RAP1GAP2: variants seen among roughly 807,000 people sequenced by gnomAD.
RAP1GAP2 encodes the protein rap1 GTPase-activating protein 2.
Under a neutral mutation model 95.0 loss-of-function variants are expected in RAP1GAP2, and 27 were observed. The ratio of observed to expected loss-of-function variants is 0.28; its 90% CI spans 0.21 to 0.39. The LOEUF is 0.39. Ranked by LOEUF, RAP1GAP2 falls within the 10% of genes least tolerant of loss-of-function variation. The pLI is 1.00. For missense variants in RAP1GAP2, 771 were observed against 970.0 expected, an observed-to-expected ratio of 0.79 and a Z score of 2.72; for synonymous variants, 373 against 380.9, an observed-to-expected ratio of 0.98 and a Z score of 0.24.
chr17:3,003,580 G>A lies in RAP1GAP2; in HGVS notation c.1201-1789G>A, dbSNP rs1208952631. Among the ~76,000 whole-genome samples, 2 of 152,150 alleles carry A rather than the reference G, an allele frequency of 1.3e-5. No homozygotes were observed. The highest frequency in any genetic ancestry group is 2.1e-4 in the South Asian group (1 of 4,830). ...CTTTGTCACGTTTGAAGCTTTCTGA[G>A]GTTCCCAGTGCATCCTCATGACCCA... On this transcript the variant is annotated intron_variant, in intron 14 of 24. Transcript: ENST00000254695. The surrounding 1 kb of genome is among the most constrained non-coding windows in gnomAD (Gnocchi z 4.1).
At chr17:2,967,195 C>T (rs58741155) in intron 8 of RAP1GAP2, among the ~76,000 whole-genome samples, 3,257 of 152,004 alleles carry the variant, frequency 0.021, 99 homozygotes, top group African/African-American at 0.072. Flanking sequence ...GGTGAAACCC[C>T]GTCTCTACTA....
intron 17 of RAP1GAP2, among the ~76,000 whole-genome samples, chr17:3,010,764 A>G (rs1222973565): frequency 6.6e-6 from 1 of 152,138 alleles, no homozygotes; most frequent in Non-Finnish European, 1.5e-5. Context: ...ATTCTTTTCA[A>G]TACTAAAACC....
intron 2 of RAP1GAP2, among the ~76,000 whole-genome samples, chr17:2,863,425 G>A (rs2072490417): frequency 1.3e-5 from 2 of 152,278 alleles, no homozygotes; most frequent in South Asian, 4.1e-4. Context: ...GCTGGGAGCT[G>A]GGGACGCCTC....
In RAP1GAP2 at chr17:2,905,554, G is replaced by T. The variant is rs1054672705; in HGVS notation, c.165+186G>T. Among the ~76,000 whole-genome samples the T allele has an allele frequency of 2.6e-5, 4 of 152,342 alleles. No individual in the cohort carries two copies. The East Asian group carries it at 7.7e-4, about 29-fold the overall frequency. ...GGGGAAGCATGACAAGAGACTCAGG[G>T]TGTCTGTGTCAAGGGGCGGTGAGGA... On this transcript the variant is annotated intron_variant, in intron 3 of 24. Coordinates refer to ENST00000254695, the MANE Select transcript of RAP1GAP2 (RefSeq NM_015085.5).
intron 3 of RAP1GAP2, among the ~76,000 whole-genome samples, chr17:2,929,812 C>T (rs866076626): frequency 2.7e-4 from 41 of 152,298 alleles, no homozygotes; most frequent in Admixed American, 2.2e-3. Context: ...CAGGAGATGA[C>T]GGTCCTGAGG....
In RAP1GAP2 at chr17:3,011,351, C is replaced by T. The variant is rs151170915; in HGVS notation, c.1494+3206C>T. Among the ~76,000 whole-genome samples, 168 of 152,312 alleles carry T rather than the reference C, an allele frequency of 1.1e-3. 1 individual carries two copies. The highest frequency in any genetic ancestry group is 1.8e-3 in the Non-Finnish European group (122 of 68,036). Reference sequence around the variant, plus strand: ...GAGCTGGGGACAGGCCAGGCTCAGCCGAATGGAGCCCTGGGGCCTGGGGTG... The same window carrying T: ...GAGCTGGGGACAGGCCAGGCTCAGCTGAATGGAGCCCTGGGGCCTGGGGTG... On this transcript the variant is annotated intron_variant, in intron 17 of 24. Coordinates refer to ENST00000254695, the MANE Select transcript of RAP1GAP2 (RefSeq NM_015085.5).
chr17:2,991,447 A>G, intron 12 of RAP1GAP2, 50 bp downstream of exon 12: 1 of 1,405,296 alleles, frequency 7.1e-7, no homozygotes. Context: ...AGGGCACTAG[A>G]GGAAGGGCAA....
At chr17:2,877,434 C>T (rs77419261) in intron 2 of RAP1GAP2, among the ~76,000 whole-genome samples, 1 of 152,202 alleles carries the variant, frequency 6.6e-6, no homozygotes, top group African/African-American at 2.4e-5. Context: ...GGACACATCA[C>T]ATCTCTGCTC....
chr17:2,979,767 G>T (rs1035384756), intron 8 of RAP1GAP2, among the ~76,000 whole-genome samples: 1 of 151,788 alleles, frequency 6.6e-6, no homozygotes, highest in South Asian at 2.1e-4. Context: ...CCCCAGCCAG[G>T]TGTGTTCTTT....
chr17:2,990,816 TTACTTTAGAG>T (rs1159205391), intron 11 of RAP1GAP2, among the ~76,000 whole-genome samples: 1 of 151,912 alleles, frequency 6.6e-6, no homozygotes, highest in Non-Finnish European at 1.5e-5. Flanking sequence ...GTGGTTTTGA[TTACTTTAGAG>T]TTTTCAGAGT....
chr17:3,006,120 C>T (rs1358389902), intron 16 of RAP1GAP2, 79 bp downstream of exon 16: 169 of 409,740 alleles, frequency 4.1e-4, no homozygotes, highest in East Asian at 7.5e-4. Context: ...GCTCCTCCAT[C>T]TTTTTTTTTT....
intron 1 of RAP1GAP2, among the ~76,000 whole-genome samples, chr17:2,799,926 C>T (rs1290725043): frequency 2.0e-5 from 3 of 152,136 alleles, no homozygotes; most frequent in Admixed American, 6.5e-5. Flanking sequence ...CTGCAGCAAA[C>T]GTGATCTTCC....
At chr17:2,809,625 G>C (rs2069670814) in intron 2 of RAP1GAP2, among the ~76,000 whole-genome samples, 1 of 152,218 alleles carries the variant, frequency 6.6e-6, no homozygotes, top group Admixed American at 6.5e-5. Flanking sequence ...GCCTGGATGG[G>C]AAGACTCACG....
chr17:3,018,285 T>A (rs554069367), intron 18 of RAP1GAP2, 87 bp downstream of exon 18: 12 of 1,470,300 alleles, frequency 8.2e-6, no homozygotes, highest in Non-Finnish European at 1.1e-5. Flanking sequence ...CCACCCAGGC[T>A]TGGGCAGGTG....
Position 3,034,795 on chromosome 17 carries a change from C to T in RAP1GAP2, c.*1434C>T, listed in dbSNP as rs570562038. On this transcript the variant is annotated 3_prime_UTR_variant, in exon 25 of 25. Coordinates refer to ENST00000254695, the MANE Select transcript of RAP1GAP2 (RefSeq NM_015085.5). The surrounding 1 kb of genome is among the most constrained non-coding windows in gnomAD (Gnocchi z 5.1). ...CCGTGGGCTTCTCTGCCGATGGGCC[C>T]GGGTTGGGGTTAAGGTGGGCATCCT... 2.2e-3 allele frequency: 330 copies of T among 152,676 alleles called. 2 individuals are homozygous for T. The highest frequency in any genetic ancestry group is 7.3e-3 in the African/African-American group (305 of 41,558). The allele number at this position is 152,676 out of a possible 1,614,324, so 9.5% of individuals were successfully genotyped here. A position where few individuals can be genotyped will look rare whatever the true frequency, so the allele number is the denominator to read the frequency against.
intron 2 of RAP1GAP2, among the ~76,000 whole-genome samples, chr17:2,901,357 G>A (rs530045233): frequency 6.6e-6 from 1 of 152,150 alleles, no homozygotes; most frequent in South Asian, 2.1e-4. Flanking sequence ...TCTTCCTCTG[G>A]CTTCTCTCCA....
chr17:2,901,747 G>A (rs977001075), intron 2 of RAP1GAP2, among the ~76,000 whole-genome samples: 6 of 152,120 alleles, frequency 3.9e-5, no homozygotes, highest in African/African-American at 9.7e-5. Context: ...TTATCTCGGT[G>A]CCAGCTGGTG....
intron 1 of RAP1GAP2, among the ~76,000 whole-genome samples, chr17:2,769,138 G>A (rs898830150): frequency 2.2e-4 from 33 of 149,582 alleles, no homozygotes; most frequent in African/African-American, 7.6e-4. Context: ...ATACCGAGGC[G>A]AGAGGATTGC....
Position 2,855,214 on chromosome 17 carries a change from G to A in RAP1GAP2, c.81-50070G>A, listed in dbSNP as rs1451142005. ...TGTGTGTAACAAGATGTTGCCCGCT[G>A]CACAGAATGAATTTCCCGTGAAAAT... On this transcript the variant is annotated intron_variant, in intron 2 of 24. Coordinates refer to ENST00000254695, the MANE Select transcript of RAP1GAP2 (RefSeq NM_015085.5). This position sits in a 1 kb window ranked among gnomAD's most constrained non-coding sequence, Gnocchi z 4.3. Among the ~76,000 whole-genome samples the A allele has an allele frequency of 6.6e-6, 1 of 152,174 alleles. No individual in the cohort carries two copies. The highest frequency in any genetic ancestry group is 1.9e-4 in the East Asian group (1 of 5,196).
Sources: gnomAD v4.1 joint callset for allele counts (sites outside exome capture counted in the v4.1 genomes callset) on GRCh38, gnomAD v4.1.1 for gene constraint, Gnocchi (gnomAD v3.1) non-coding constraint, MANE v1.5 for transcripts, NCBI Gene and HGNC (gene_info 2026-07-23, HGNC 2026-07-21) for gene names.